Variants in MICU3 observed in about 807,000 individuals in gnomAD.
The protein encoded by MICU3 is mitochondrial calcium uptake 3.
In MICU3, 62 loss-of-function variants were observed where a neutral mutation model predicts 66.5. The observed-to-expected ratio is 0.93, with a 90% CI of 0.76 to 1.15. The LOEUF (loss-of-function observed/expected upper bound fraction) is 1.15, where lower values mean the gene tolerates loss of function less well. MICU3 is among the 50% of genes most tolerant of loss of function. The pLI is 0.00. For missense variants in MICU3, 779 were observed against 664.4 expected (o/e 1.17, Z -1.90); for synonymous variants, 308 against 240.7 (o/e 1.28, Z -2.59).
the MICU3 span, among the ~76,000 whole-genome samples, chr8:17,130,783 A>C: frequency 2.0e-5 from 3 of 152,220 alleles, no homozygotes; most frequent in Non-Finnish European, 4.4e-5. Flanking sequence ...AAACAAAAAA[A>C]TGGGTACAAC....
chr8:17,134,860 C>G, the MICU3 span, among the ~76,000 whole-genome samples: 4 of 152,284 alleles, frequency 2.6e-5, no homozygotes, highest in Admixed American at 2.0e-4. Context: ...TCCAAAAACA[C>G]CCTCACAGAC....
At chr8:17,042,085 T>A (rs1814230192) in intron 1 of MICU3, among the ~76,000 whole-genome samples, 1 of 152,190 alleles carries the variant, frequency 6.6e-6, no homozygotes, top group Admixed American at 6.5e-5. Flanking sequence ...GAAATGCAGT[T>A]TTTTCATGGT....
intron 6 of MICU3, among the ~76,000 whole-genome samples, 181 bp downstream of exon 6, chr8:17,085,499 A>G (rs776372641): frequency 2.0e-5 from 3 of 152,224 alleles, no homozygotes; most frequent in Admixed American, 2.0e-4. Context: ...TACAAATATA[A>G]ATTACATTCA....
chr8:17,042,071 T>G (rs1484320963), intron 1 of MICU3, among the ~76,000 whole-genome samples: 1 of 152,210 alleles, frequency 6.6e-6, no homozygotes, highest in African/African-American at 2.4e-5. Context: ...TTTAACTTGC[T>G]CATGAAATGC....
At chr8:17,088,630 T>G (rs927607869) in intron 7 of MICU3, among the ~76,000 whole-genome samples, 3 of 152,068 alleles carry the variant, frequency 2.0e-5, no homozygotes, top group Non-Finnish European at 2.9e-5. Context: ...TATAATTGTT[T>G]TATTTATTTG....
chr8:17,114,172 A>T lies in MICU3; in HGVS notation c.1337A>T (p.Tyr446Phe), dbSNP rs1434524738. ...GACTTTGCAATAGCCCTGAATATGT[A>T]TAACTTTGCAAGTCGTTCTATAGGG... Reference protein sequence around the residue: ...LEDFAIALNMYNFASRSIGQD... With the variant: ...LEDFAIALNMFNFASRSIGQD... Residue 446 changes from tyrosine to phenylalanine, a missense_variant, in exon 12 of 15, where the codon TAT becomes TTT. Coordinates refer to ENST00000318063, the MANE Select transcript of MICU3 (RefSeq NM_181723.3). The T allele has an allele frequency of 6.2e-7, 1 of 1,610,810 alleles. No homozygotes were observed. The highest frequency in any genetic ancestry group is 8.5e-7 in the Non-Finnish European group (1 of 1,178,054).
intron 1 of MICU3, among the ~76,000 whole-genome samples, chr8:17,056,877 T>C (rs996228803): frequency 2.6e-5 from 4 of 152,176 alleles, no homozygotes; most frequent in African/African-American, 7.2e-5. Context: ...TGGAAAAGTA[T>C]TGGAGTCATC....
chr8:17,056,814 T>C (rs1281028386), intron 1 of MICU3, among the ~76,000 whole-genome samples: 1 of 152,204 alleles, frequency 6.6e-6, no homozygotes, highest in African/African-American at 2.4e-5. Flanking sequence ...TTCGTGAGAA[T>C]CACATATTCC....
intron 1 of MICU3, among the ~76,000 whole-genome samples, chr8:17,037,457 C>G (rs1186510749): frequency 1.3e-5 from 2 of 152,194 alleles, no homozygotes; most frequent in African/African-American, 4.8e-5. Flanking sequence ...ATGTAGAGCT[C>G]AGGCCATTGC....
intron 1 of MICU3, among the ~76,000 whole-genome samples, chr8:17,039,335 G>A (rs1244128503): frequency 6.6e-6 from 1 of 152,114 alleles, no homozygotes; most frequent in East Asian, 1.9e-4. Context: ...GCCTGTAAAT[G>A]GAGAAAAGTC....
chr8:17,121,228 G>T lies in MICU3; in HGVS notation c.*941G>T, dbSNP rs1585592908. ...GTATTGTAAAAGACTAATATAAAAT[G>T]GTTTATAAGACTGATGTATATATTA... On this transcript the variant is annotated 3_prime_UTR_variant, in exon 15 of 15. Transcript: ENST00000318063. 1 of 151,698 alleles carries T rather than the reference G, an allele frequency of 6.6e-6. No homozygotes were observed. The highest frequency in any genetic ancestry group is 2.1e-4 in the South Asian group (1 of 4,816). 9.4% of individuals were successfully genotyped at this position (151,698 alleles called of 1,614,324 possible). A position where few individuals can be genotyped will look rare whatever the true frequency, so the allele number is the denominator to read the frequency against.
chr8:17,124,801 G>A (rs544922899), downstream of MICU3, among the ~76,000 whole-genome samples: 76 of 151,988 alleles, frequency 5.0e-4, 1 homozygote, highest in African/African-American at 1.8e-3. Context: ...AATTCTGAAA[G>A]CATTGCCCCA....
At chr8:17,035,403 T>G (rs2150497617) in intron 1 of MICU3, among the ~76,000 whole-genome samples, 1 of 152,246 alleles carries the variant, frequency 6.6e-6, no homozygotes, top group East Asian at 1.9e-4. Context: ...TATGGGAAAG[T>G]TTGGAACTTC....
At chr8:17,088,838 G>A (rs1799747520) in intron 7 of MICU3, among the ~76,000 whole-genome samples, 2 of 151,624 alleles carry the variant, frequency 1.3e-5, no homozygotes, top group African/African-American at 4.8e-5. Flanking sequence ...CTGCAGCCAA[G>A]GTATAAGAAA....
At chr8:17,039,199 C>T (rs1413081410) in intron 1 of MICU3, among the ~76,000 whole-genome samples, 1 of 152,110 alleles carries the variant, frequency 6.6e-6, no homozygotes, top group Non-Finnish European at 1.5e-5. Context: ...ACTTAATAGG[C>T]TAATTGTAGC....
rs142951985 is a variant in MICU3, at chr8:17,035,123, G to A, written c.381+7463G>A. Among the ~76,000 whole-genome samples, 1,018 of 152,284 alleles carry A rather than the reference G, an allele frequency of 6.7e-3. 7 individuals are homozygous for A. The highest frequency in any genetic ancestry group is 0.01 in the Middle Eastern group (3 of 294). ...CTGTCTTTCCTGCCGCCATGTAAGAGGTGACTCTGCTCCTCTTTCACCTTT... is the reference window on the plus strand; with the variant it reads ...CTGTCTTTCCTGCCGCCATGTAAGAAGTGACTCTGCTCCTCTTTCACCTTT... On this transcript the variant is annotated intron_variant, in intron 1 of 14. Transcript: ENST00000318063.
chr8:17,043,183 C>T (rs1247381637), intron 1 of MICU3, among the ~76,000 whole-genome samples: 1 of 151,922 alleles, frequency 6.6e-6, no homozygotes, highest in Non-Finnish European at 1.5e-5. Context: ...TCGTGATCCG[C>T]CCGCCTCGGC....
intron 4 of MICU3, among the ~76,000 whole-genome samples, chr8:17,078,754 G>A (rs1399109704): frequency 6.6e-6 from 1 of 151,860 alleles, no homozygotes; most frequent in Non-Finnish European, 1.5e-5. Flanking sequence ...TTGCTTCCAC[G>A]TGGTTTACAT....
At chr8:17,126,047 A>AAC (rs1012043352), downstream of MICU3, among the ~76,000 whole-genome samples, 1 of 151,550 alleles carries the variant, frequency 6.6e-6, no homozygotes, top group African/African-American at 2.4e-5. Flanking sequence ...AAAAAAAAAA[A>AAC]AAAAACCTCT....
Sources: gnomAD v4.1 joint callset for allele counts (sites outside exome capture counted in the v4.1 genomes callset) on GRCh38, gnomAD v4.1.1 for gene constraint, MANE v1.5 for transcripts, NCBI Gene and HGNC (gene_info 2026-07-23, HGNC 2026-07-21) for gene names.